The following DPP6 variants were observed in gnomAD, a reference collection of about 807,000 sequenced individuals.
DPP6 encodes the protein A-type potassium channel modulatory protein DPP6.
In DPP6, 69 loss-of-function variants were observed where a neutral mutation model predicts 122.6. That is an observed-to-expected ratio of 0.56 (90% CI 0.46 to 0.69). DPP6 has a LOEUF of 0.69. Among genes scored for constraint, DPP6 ranks in the 30% least tolerant of loss-of-function variants. The pLI, the probability that DPP6 is intolerant of heterozygous loss-of-function variation, is 0.00. For synonymous variants in DPP6, 418 were observed against 433.1 expected, an observed-to-expected ratio of 0.97 and a Z score of 0.43; for missense variants, 928 against 1,116.9, an observed-to-expected ratio of 0.83 and a Z score of 2.41.
chr7:154,878,681 T>C (rs1309620252), intron 20 of DPP6, among the ~76,000 whole-genome samples: 1 of 152,166 alleles, frequency 6.6e-6, no homozygotes, highest in Non-Finnish European at 1.5e-5. Flanking sequence ...GCAGCTGAGA[T>C]GAGCTGTGGA....
chr7:154,548,501 C>T (rs916046826), intron 4 of DPP6, among the ~76,000 whole-genome samples: 7 of 148,660 alleles, frequency 4.7e-5, no homozygotes, highest in African/African-American at 1.5e-4. Context: ...GCACTCCAGC[C>T]TGGGTGACAG....
chr7:154,804,849 G>A (rs1456873314), intron 14 of DPP6, 68 bp from the exon 15 acceptor site: 3 of 1,557,118 alleles, frequency 1.9e-6, no homozygotes, highest in Non-Finnish European at 2.6e-6. Flanking sequence ...TAGAGGTAGT[G>A]CCAGGAATGT....
At chr7:153,928,533 C>T (rs777461356) in intron 1 of DPP6, among the ~76,000 whole-genome samples, 15 of 150,610 alleles carry the variant, frequency 1.0e-4, no homozygotes, top group East Asian at 3.9e-4. Context: ...GGAGCCATTG[C>T]GCCCACGAGG....
chr7:154,407,587 T>C (rs1163778561), intron 1 of DPP6, among the ~76,000 whole-genome samples: 3 of 152,234 alleles, frequency 2.0e-5, no homozygotes, highest in Non-Finnish European at 2.9e-5. Flanking sequence ...TTTGGTTTGG[T>C]TGGCCCTTAC....
At chr7:154,455,369 A>G (rs1450544731) in intron 2 of DPP6, among the ~76,000 whole-genome samples, 1 of 152,164 alleles carries the variant, frequency 6.6e-6, no homozygotes, top group African/African-American at 2.4e-5. Context: ...CTCTTGGGGA[A>G]GCAGCCTTCA....
chr7:154,124,160 G>T (rs1214956476), intron 1 of DPP6, among the ~76,000 whole-genome samples: 1 of 152,150 alleles, frequency 6.6e-6, no homozygotes, highest in East Asian at 1.9e-4. Flanking sequence ...CTTAGTTCTT[G>T]TTTATTTGTC....
chr7:154,711,036 C>A (rs1211901836), intron 7 of DPP6, among the ~76,000 whole-genome samples: 1 of 152,154 alleles, frequency 6.6e-6, no homozygotes, highest in East Asian at 1.9e-4. Flanking sequence ...TGTGATAACT[C>A]AAGAGAAGCC....
intron 1 of DPP6, among the ~76,000 whole-genome samples, chr7:153,961,512 T>C (rs1194642821): frequency 6.6e-6 from 1 of 150,394 alleles, no homozygotes; most frequent in Non-Finnish European, 1.5e-5. Context: ...CCCAGACTTT[T>C]TGGCACCAGG....
chr7:154,632,946 A>C (rs1835496313), intron 5 of DPP6, among the ~76,000 whole-genome samples: 1 of 152,218 alleles, frequency 6.6e-6, no homozygotes, highest in Non-Finnish European at 1.5e-5. Context: ...AAATTATTGA[A>C]TGCCAATGTC....
In DPP6 at chr7:154,486,105, G is replaced by C. The variant is rs1001598200; in HGVS notation, c.457+11068G>C. Among the ~76,000 whole-genome samples the C allele has an allele frequency of 6.6e-6, 1 of 151,628 alleles. No individual in the cohort carries two copies. Among genetic ancestry groups the C allele is most frequent in the Non-Finnish European group, 1.5e-5 (1 of 67,934 alleles). ...CTGCCTCAGTGTACCTTGCCTCCCC[G>C]GTCTCCTCACCACCCCTACTCATGG... is the stretch of plus-strand genomic sequence containing the variant. On this transcript the variant is annotated intron_variant, in intron 3 of 25. Coordinates refer to ENST00000377770, the MANE Select transcript of DPP6 (RefSeq NM_130797.4). The surrounding 1 kb of genome is among the most constrained non-coding windows in gnomAD (Gnocchi z 4.5).
intron 1 of DPP6, among the ~76,000 whole-genome samples, chr7:154,419,493 G>A (rs1817280829): frequency 6.6e-6 from 1 of 152,190 alleles, no homozygotes; most frequent in African/African-American, 2.4e-5. Context: ...TGTGCAGAAT[G>A]CGTTCTCCTT....
At chr7:154,062,069 C>G (rs1802048471) in intron 1 of DPP6, among the ~76,000 whole-genome samples, 1 of 115,276 alleles carries the variant, frequency 8.7e-6, no homozygotes, top group Non-Finnish European at 1.9e-5. Context: ...CCCTGGTTCC[C>G]CCACTGGCTC....
intron 1 of DPP6, among the ~76,000 whole-genome samples, chr7:154,226,638 A>C (rs1800619836): frequency 6.6e-6 from 1 of 152,196 alleles, no homozygotes; most frequent in Non-Finnish European, 1.5e-5. Context: ...TCCTATTACC[A>C]ATTTTTTCAG....
intron 1 of DPP6, among the ~76,000 whole-genome samples, chr7:154,098,212 A>T (rs1805470969): frequency 6.6e-6 from 1 of 152,154 alleles, no homozygotes; most frequent in Admixed American, 6.5e-5. Flanking sequence ...TGATGGTTTT[A>T]TAAGGGGCTT....
At chr7:153,873,775 G>A in the DPP6 span, among the ~76,000 whole-genome samples, 1 of 152,226 alleles carries the variant, frequency 6.6e-6, no homozygotes. Context: ...CAAAGGCACT[G>A]CAGAGCTGCC....
chr7:154,056,316 A>G (rs889762707), intron 1 of DPP6, among the ~76,000 whole-genome samples: 4 of 152,190 alleles, frequency 2.6e-5, no homozygotes, highest in African/African-American at 4.8e-5. Flanking sequence ...TGAGGAATCA[A>G]TAGCCCTTCT....
At chr7:154,613,723 C>A (rs1444085776) in intron 5 of DPP6, among the ~76,000 whole-genome samples, 1 of 148,932 alleles carries the variant, frequency 6.7e-6, no homozygotes, top group Non-Finnish European at 1.5e-5. Context: ...AGAGCTTTGT[C>A]TGCAACCCTA....
chr7:153,979,935 T>G (rs39140), intron 1 of DPP6, among the ~76,000 whole-genome samples: 27,626 of 152,008 alleles, frequency 0.18, 2,871 homozygotes, highest in East Asian at 0.35. Context: ...TCTGCTGCTG[T>G]ATTCAGTTTG....
intron 1 of DPP6, among the ~76,000 whole-genome samples, chr7:154,006,051 A>G (rs1797901109): frequency 6.6e-6 from 1 of 152,138 alleles, no homozygotes; most frequent in African/African-American, 2.4e-5. Context: ...GCAGGGCTGG[A>G]GGAACCCAAA....
Sources: gnomAD v4.1 joint callset for allele counts (sites outside exome capture counted in the v4.1 genomes callset) on GRCh38, gnomAD v4.1.1 for gene constraint, Gnocchi (gnomAD v3.1) non-coding constraint, MANE v1.5 for transcripts, NCBI Gene and HGNC (gene_info 2026-07-23, HGNC 2026-07-21) for gene names.